Variants in ZDHHC21 observed in about 807,000 individuals in gnomAD.
ZDHHC21 encodes the protein zDHHC palmitoyltransferase 21.
A neutral mutation model predicts 34.6 loss-of-function variants in ZDHHC21; 15 were observed. The ratio of observed to expected loss-of-function variants is 0.43; its 90% CI spans 0.29 to 0.67. The LOEUF (loss-of-function observed/expected upper bound fraction) is 0.67. ZDHHC21 is among the 30% of genes least tolerant of loss of function. ZDHHC21 has a pLI of 0.14. For synonymous variants in ZDHHC21, 142 were observed against 101.8 expected, an observed-to-expected ratio of 1.40 and a Z score of -2.38; for missense variants, 344 against 327.7, an observed-to-expected ratio of 1.05 and a Z score of -0.38.
intron 2 of ZDHHC21, among the ~76,000 whole-genome samples, chr9:14,685,941 A>G (rs1241916134): frequency 1.3e-5 from 2 of 152,144 alleles, no homozygotes; most frequent in Non-Finnish European, 2.9e-5. Flanking sequence ...CATTCTCAGC[A>G]AACTATTACA....
At chr9:14,626,270 T>C (rs927463928) in intron 8 of ZDHHC21, among the ~76,000 whole-genome samples, 2 of 151,930 alleles carry the variant, frequency 1.3e-5, no homozygotes, top group Non-Finnish European at 2.9e-5. Flanking sequence ...ACCATAAATA[T>C]AAGATTTACT....
the ZDHHC21 span, chr9:14,589,230 G>C: frequency 1.3e-5 from 2 of 152,218 alleles, no homozygotes; most frequent in South Asian, 4.2e-4. Context: ...GAAAAGGAGA[G>C]GCAACTGCAA....
the ZDHHC21 span, among the ~76,000 whole-genome samples, chr9:14,598,607 G>C: frequency 2.6e-5 from 4 of 151,152 alleles, no homozygotes; most frequent in African/African-American, 9.7e-5. Flanking sequence ...ATTCCAACAA[G>C]AAAAAAATAT....
chr9:14,647,460 C>G (rs1295105507), intron 7 of ZDHHC21, among the ~76,000 whole-genome samples: 1 of 152,034 alleles, frequency 6.6e-6, no homozygotes, highest in Non-Finnish European at 1.5e-5. Flanking sequence ...AACTGTAACT[C>G]ATAACATAAT....
At chr9:14,682,128 T>C (rs532813835) in intron 2 of ZDHHC21, among the ~76,000 whole-genome samples, 2 of 152,070 alleles carry the variant, frequency 1.3e-5, no homozygotes, top group Non-Finnish European at 2.9e-5. Flanking sequence ...AGAAACTGCA[T>C]CAACTAACAA....
intron 8 of ZDHHC21, among the ~76,000 whole-genome samples, chr9:14,639,188 T>C (rs917366842): frequency 6.6e-6 from 1 of 152,078 alleles, no homozygotes; most frequent in Non-Finnish European, 1.5e-5. Context: ...ATAAAAAGAA[T>C]GAAATTCTGT....
intron 2 of ZDHHC21, among the ~76,000 whole-genome samples, chr9:14,682,152 C>G (rs1837496255): frequency 6.6e-6 from 1 of 152,152 alleles, no homozygotes; most frequent in South Asian, 2.1e-4. Flanking sequence ...AAATAACCAG[C>G]TAACATCATA....
chr9:14,670,582 G>A (rs1025371956), intron 5 of ZDHHC21, among the ~76,000 whole-genome samples: 4 of 151,846 alleles, frequency 2.6e-5, no homozygotes, highest in Admixed American at 6.6e-5. Context: ...TATTTACTAC[G>A]GGCCTTTATA....
chr9:14,610,252 G>C (rs892531305), downstream of ZDHHC21, among the ~76,000 whole-genome samples: 41 of 151,850 alleles, frequency 2.7e-4, no homozygotes, highest in Non-Finnish European at 3.4e-4. Flanking sequence ...CAAAAAGTTT[G>C]AGAACTGTTG....
intron 7 of ZDHHC21, among the ~76,000 whole-genome samples, chr9:14,650,205 G>C (rs749154897): frequency 1.3e-5 from 2 of 151,616 alleles, no homozygotes; most frequent in African/African-American, 2.4e-5. Context: ...AGAATAAATA[G>C]ATTATTCTTA....
chr9:14,638,276 T>C (rs1236486497), intron 8 of ZDHHC21, among the ~76,000 whole-genome samples: 1 of 151,830 alleles, frequency 6.6e-6, no homozygotes, highest in Admixed American at 6.6e-5. Flanking sequence ...GAACATACAT[T>C]GGGGGAAAAA....
At chr9:14,589,058 A>C in the ZDHHC21 span, 1 of 152,184 alleles carries the variant, frequency 6.6e-6, no homozygotes, top group African/African-American at 2.4e-5. Flanking sequence ...ATGGCTCATA[A>C]ATTAGAGAAG....
At chr9:14,646,321 T>A (rs1211225699) in intron 7 of ZDHHC21, among the ~76,000 whole-genome samples, 1 of 152,168 alleles carries the variant, frequency 6.6e-6, no homozygotes, top group Non-Finnish European at 1.5e-5. Flanking sequence ...TATGCACTCC[T>A]TCATATGTGT....
intron 7 of ZDHHC21, among the ~76,000 whole-genome samples, chr9:14,641,545 C>T (rs972200764): frequency 1.3e-5 from 2 of 152,042 alleles, no homozygotes; most frequent in East Asian, 3.9e-4. Context: ...AAAATTGTAC[C>T]CAGATGAACC....
intron 3 of ZDHHC21, among the ~76,000 whole-genome samples, chr9:14,678,380 G>C (rs530065305): frequency 3.9e-5 from 6 of 151,952 alleles, no homozygotes; most frequent in African/African-American, 1.2e-4. Context: ...TGCAACACAT[G>C]ACCGACAAGA....
At chr9:14,649,572 G>C (rs1020800367) in intron 7 of ZDHHC21, among the ~76,000 whole-genome samples, 11 of 151,972 alleles carry the variant, frequency 7.2e-5, no homozygotes, top group Admixed American at 5.9e-4. Flanking sequence ...CCAACGCTCA[G>C]GTAAAATGTA....
intron 8 of ZDHHC21, among the ~76,000 whole-genome samples, chr9:14,626,328 A>G (rs892915655): frequency 2.0e-5 from 3 of 151,940 alleles, no homozygotes; most frequent in Non-Finnish European, 4.4e-5. Context: ...ATTTGTGTGG[A>G]TTCAGATCAT....
In ZDHHC21 at chr9:14,619,661, T is replaced by A; in HGVS notation, c.643A>T (p.Met215Leu). 1 of 1,407,040 alleles carries A rather than the reference T, an allele frequency of 7.1e-7. No individual in the cohort carries two copies. The highest frequency in any genetic ancestry group is 9.8e-7 in the Non-Finnish European group (1 of 1,023,086). 87.2% of individuals were successfully genotyped at this position (1,407,040 alleles called of 1,614,324 possible). A position where few individuals can be genotyped will look rare whatever the true frequency, so the allele number is the denominator to read the frequency against. ...IITDTTSIEK[M>L]SNCCEDISRP... ...TACATATCTTCACAACAGTTTGACA[T>A]CTTTTCAATAGATGTTGTATCCTAT... The change falls in exon 9 of 10, where the codon ATG (methionine) becomes TTG (leucine). Residue 215 changes from methionine (M) to leucine (L), a missense_variant. Coordinates refer to ENST00000380916, the MANE Select transcript of ZDHHC21 (RefSeq NM_178566.6).
At chr9:14,681,730 GGTGTGTGT>G (rs34935934) in intron 2 of ZDHHC21, among the ~76,000 whole-genome samples, 5 of 148,512 alleles carry the variant, frequency 3.4e-5, no homozygotes, top group South Asian at 2.2e-4. Context: ...TAAGGGGAAT[GGTGTGTGT>G]GTGTGTGTGT....
Sources: allele counts gnomAD v4.1 joint callset (sites outside exome capture counted in the v4.1 genomes callset), GRCh38; gene constraint gnomAD v4.1.1; transcripts MANE v1.5; gene names NCBI Gene and HGNC (gene_info 2026-07-23, HGNC 2026-07-21).